Variants in ROS1 observed in about 807,000 individuals in gnomAD.
ROS1 encodes the protein proto-oncogene tyrosine-protein kinase ROS.
ROS1 carries 263 observed loss-of-function variants against 273.5 expected under a neutral mutation model. The observed-to-expected ratio is 0.96, with a 90% CI of 0.87 to 1.06. The LOEUF (loss-of-function observed/expected upper bound fraction) is 1.06, where lower values mean the gene tolerates loss of function less well. Among genes scored for constraint, ROS1 ranks in the 50% least tolerant of loss-of-function variants. The probability of loss-of-function intolerance (pLI) is 0.00; values close to 1 mark genes in which losing one functional copy is unlikely to be tolerated. For synonymous variants in ROS1, 1,008 were observed against 954.1 expected, an observed-to-expected ratio of 1.06 and a Z score of -1.04; for missense variants, 2,833 against 2,751.1, an observed-to-expected ratio of 1.03 and a Z score of -0.67.
At chr6:117,338,918 G>C (rs914283124) in intron 31 of ROS1, among the ~76,000 whole-genome samples, 14 of 152,090 alleles carry the variant, frequency 9.2e-5, no homozygotes, top group African/African-American at 3.4e-4. Flanking sequence ...TGAGAGTTTG[G>C]AACTTCAGAA....
intron 27 of ROS1, among the ~76,000 whole-genome samples, chr6:117,351,965 G>A (rs991180811): frequency 6.6e-6 from 1 of 152,184 alleles, no homozygotes; most frequent in Non-Finnish European, 1.5e-5. Context: ...AACAAAGAGA[G>A]TTTATGTCAT....
At chr6:117,399,331 T>A (rs897608873) in intron 7 of ROS1, among the ~76,000 whole-genome samples, 25 of 152,198 alleles carry the variant, frequency 1.6e-4, no homozygotes, top group African/African-American at 6.0e-4. Flanking sequence ...CAAGGAAGAA[T>A]TCATTCTCCT....
At chr6:117,357,161 C>T (rs1779389047) in intron 25 of ROS1, among the ~76,000 whole-genome samples, 1 of 152,126 alleles carries the variant, frequency 6.6e-6, no homozygotes, top group Non-Finnish European at 1.5e-5. Context: ...ATATAATGAC[C>T]TTAGGTGCTA....
At chr6:117,342,949 T>C (rs1045332694) in intron 28 of ROS1, among the ~76,000 whole-genome samples, 1 of 152,164 alleles carries the variant, frequency 6.6e-6, no homozygotes, top group African/African-American at 2.4e-5. Flanking sequence ...AAAAAGACTT[T>C]CCTTAGACCA....
intron 4 of ROS1, among the ~76,000 whole-genome samples, chr6:117,412,345 A>G (rs764522614): frequency 1.1e-4 from 17 of 152,044 alleles, no homozygotes; most frequent in Non-Finnish European, 2.4e-4. Context: ...ATATATAGCT[A>G]TATAGCCAAA....
chr6:117,304,422 G>A (rs2128541393), intron 42 of ROS1, among the ~76,000 whole-genome samples: 1 of 152,316 alleles, frequency 6.6e-6, no homozygotes, highest in South Asian at 2.1e-4. Context: ...AAGGCATAGA[G>A]AGAATCTCTC....
chr6:117,310,918 G>A, intron 40 of ROS1, 102 bp downstream of exon 40: 1 of 651,552 alleles, frequency 1.5e-6, no homozygotes, highest in Non-Finnish European at 2.6e-6. Flanking sequence ...TTGCTAGTTT[G>A]AAGGAATTAA....
At position 117,329,452 on chromosome 6, in the gene ROS1, G is replaced by C. The variant is rs748625401; in HGVS notation, c.5231-6C>G. 7.5e-7 allele frequency: 1 copy of C among 1,329,318 alleles called. No individual in the cohort carries two copies. The highest frequency in any genetic ancestry group is 1.2e-5 in the South Asian group (1 of 82,060). 82.3% of individuals were successfully genotyped at this position (1,329,318 alleles called of 1,614,324 possible). A position where few individuals can be genotyped will look rare whatever the true frequency, so the allele number is the denominator to read the frequency against. ...TGGTTTATTTGGGACTCCAGCTTTA[G>C]GGAAAAAAAGAAAATATTGGTTGAT... On this transcript the variant is annotated splice_polypyrimidine_tract_variant and splice_region_variant and intron_variant, in intron 32 of 43. Coordinates refer to ENST00000368507, the MANE Select transcript of ROS1 (RefSeq NM_001378902.1).
chr6:117,387,139 T>C, intron 14 of ROS1, 140 bp from the exon 15 acceptor site: 1 of 503,888 alleles, frequency 2.0e-6, no homozygotes, highest in Middle Eastern at 5.3e-4. Context: ...AAAAGTTCTA[T>C]AAAAGGATAT....
chr6:117,313,556 G>A (rs1033157554), intron 39 of ROS1, among the ~76,000 whole-genome samples: 10 of 150,184 alleles, frequency 6.7e-5, no homozygotes, highest in Admixed American at 2.0e-4. Context: ...CTGGGCCACA[G>A]AGAAAGACTC....
intron 18 of ROS1, among the ~76,000 whole-genome samples, chr6:117,367,104 G>A (rs3798381): frequency 0.36 from 55,227 of 151,970 alleles, 10,290 homozygotes; most frequent in East Asian, 0.51. Flanking sequence ...TTTGCCATAT[G>A]TAGAGGTGAA....
rs139620900 is a variant in ROS1, at chr6:117,318,226, C to A, written c.5949G>T (p.Gln1983His). The change falls in exon 38 of 44, where the codon CAG (glutamine) becomes CAT (histidine). Residue 1983 changes from glutamine (Q) to histidine (H), a missense_variant. Transcript: ENST00000368507. ...VKTLKKGSTD[Q>H]EKIEFLKEAH... ...CCTCCTTCAGGAATTCAATCTTCTCCTGGTCTGTGGAACCCTTCTTCAAAG... is the reference window on the plus strand; with the variant it reads ...CCTCCTTCAGGAATTCAATCTTCTCATGGTCTGTGGAACCCTTCTTCAAAG... 2.2e-5 allele frequency: 35 copies of A among 1,612,826 alleles called. No homozygotes were observed. The African/African-American group carries it at 4.7e-4, about 22-fold the overall frequency.
At chr6:117,323,727 A>G (rs931199521) in intron 35 of ROS1, among the ~76,000 whole-genome samples, 1 of 151,952 alleles carries the variant, frequency 6.6e-6, no homozygotes, top group Non-Finnish European at 1.5e-5. Context: ...ATCTTCTTAG[A>G]AAAAAAATAG....
chr6:117,328,658 C>A (rs1776820829), intron 33 of ROS1: 1 of 579,140 alleles, frequency 1.7e-6, no homozygotes, highest in South Asian at 1.5e-5. Flanking sequence ...TTTCATAGTC[C>A]TGTGAGAGGA....
chr6:117,364,954 C>G (rs1780086219), intron 21 of ROS1, 106 bp downstream of exon 21: 1 of 1,098,936 alleles, frequency 9.1e-7, no homozygotes, highest in Admixed American at 2.4e-5. Context: ...AATCTAAACA[C>G]ATCTATAAAA....
chr6:117,353,723 TA>T (rs1299654910), intron 26 of ROS1, among the ~76,000 whole-genome samples: 4 of 152,204 alleles, frequency 2.6e-5, no homozygotes, highest in African/African-American at 9.6e-5. Context: ...CGAACAAATG[TA>T]AAATCCTAAA....
intron 22 of ROS1, among the ~76,000 whole-genome samples, chr6:117,362,095 C>A (rs1009103926): frequency 6.6e-6 from 1 of 152,046 alleles, no homozygotes; most frequent in Non-Finnish European, 1.5e-5. Flanking sequence ...AAATTAAAAT[C>A]ATGATACAGC....
chr6:117,396,182 C>T lies in ROS1; in HGVS notation c.883+6G>A. ...GTGTAGCTAAAGGAAGAAGCCTGAC[C>T]CATACCTGCTGAAGATGAAGTGGTA... On this transcript the variant is annotated splice_donor_region_variant and intron_variant, in intron 9 of 43. Transcript: ENST00000368507. The T allele has an allele frequency of 6.2e-7, 1 of 1,611,580 alleles. No individual in the cohort carries two copies. Among genetic ancestry groups the T allele is most frequent in the Non-Finnish European group, 8.5e-7 (1 of 1,177,908 alleles).
chr6:117,409,751 G>T, intron 4 of ROS1, 109 bp from the exon 5 acceptor site: 1 of 795,380 alleles, frequency 1.3e-6, no homozygotes, highest in Non-Finnish European at 2.2e-6. Context: ...GTATATCTTT[G>T]ACCAATATAC....
Sources: gnomAD v4.1 joint callset for allele counts (sites outside exome capture counted in the v4.1 genomes callset) on GRCh38, gnomAD v4.1.1 for gene constraint, MANE v1.5 for transcripts, NCBI Gene and HGNC (gene_info 2026-07-23, HGNC 2026-07-21) for gene names.